The following ZNF451 variants were observed in gnomAD, a reference collection of about 807,000 sequenced individuals.
ZNF451 encodes zinc finger protein 451, also known as E3 SUMO-protein ligase ZNF451.
In ZNF451, 80 loss-of-function variants were observed where a neutral mutation model predicts 107.1. That is an observed-to-expected ratio of 0.75 (90% CI 0.62 to 0.90). The LOEUF is 0.90. Among genes scored for constraint, ZNF451 ranks in the 40% least tolerant of loss-of-function variants. The probability of loss-of-function intolerance (pLI) is 0.00; values close to 1 mark genes in which losing one functional copy is unlikely to be tolerated. For missense variants in ZNF451, 1,107 were observed against 1,236.2 expected, an observed-to-expected ratio of 0.90 and a Z score of 1.57; for synonymous variants, 362 against 406.5, an observed-to-expected ratio of 0.89 and a Z score of 1.32.
At chr6:57,099,434 CCTCTTTCCCTT>C in intron 3 of ZNF451, 2 of 715,128 alleles carry the variant, frequency 2.8e-6, no homozygotes, top group Non-Finnish European at 5.2e-6. Context: ...CTTATTGATT[CCTCTTTCCCTT>C]CTCTTTTCCT....
Position 57,124,811 on chromosome 6 carries a change from T to C in ZNF451, c.264T>C (p.His88=), listed in dbSNP as rs1239997400. ...VALTLARLAR[H]VEVEKQQKEE... Reference sequence around the variant, plus strand: ...TAACTCTGGCTCGTCTAGCCCGCCATGTTGAAGTGGAGAAACAGCAGAAAG... The same window carrying C: ...TAACTCTGGCTCGTCTAGCCCGCCACGTTGAAGTGGAGAAACAGCAGAAAG... Residue 88 remains histidine (H), a synonymous_variant, in exon 4 of 15, where the codon CAT becomes CAC. Coordinates refer to ENST00000370706, the MANE Select transcript of ZNF451 (RefSeq NM_001031623.3). 5.6e-6 allele frequency: 9 copies of C among 1,611,866 alleles called. No homozygotes were observed. The highest frequency in any genetic ancestry group is 7.6e-6 in the Non-Finnish European group (9 of 1,178,490).
At chr6:57,107,248 G>C (rs1158147962) in intron 3 of ZNF451, 9 of 985,322 alleles carry the variant, frequency 9.1e-6, no homozygotes, top group Non-Finnish European at 1.1e-5. Context: ...AAGGATGTCT[G>C]ATCTTCCCAT....
At chr6:57,092,739 G>A (rs988731705) in intron 2 of ZNF451, 3 of 151,986 alleles carry the variant, frequency 2.0e-5, no homozygotes, top group Non-Finnish European at 4.4e-5. Flanking sequence ...TCGTTTTTAC[G>A]GTTTGGATTT....
At chr6:57,161,346 G>A (rs967503485) in intron 14 of ZNF451, among the ~76,000 whole-genome samples, 194 bp downstream of exon 14, 3 of 152,034 alleles carry the variant, frequency 2.0e-5, no homozygotes, top group African/African-American at 7.2e-5. Context: ...GCTAGAATGG[G>A]TCAGCCAATT....
At chr6:57,155,874 A>G (rs1056996880) in intron 13 of ZNF451, among the ~76,000 whole-genome samples, 2 of 138,310 alleles carry the variant, frequency 1.4e-5, no homozygotes, top group African/African-American at 5.5e-5. Flanking sequence ...TGAACTAACT[A>G]CTCTCTGGAG....
In ZNF451 at chr6:57,092,786, C is replaced by A. The variant is rs921976277; in HGVS notation, c.105+1892C>A. 6 of 152,262 alleles carry A rather than the reference C, an allele frequency of 3.9e-5. No homozygotes were observed. In the East Asian group the frequency reaches 1.2e-3, roughly 29 times the overall value. The allele number at this position is 152,262 out of a possible 1,614,324, so 9.4% of individuals were successfully genotyped here. A position where few individuals can be genotyped will look rare whatever the true frequency, so the allele number is the denominator to read the frequency against. On this transcript the variant is annotated intron_variant, in intron 2 of 14. Coordinates refer to ENST00000370706, the MANE Select transcript of ZNF451 (RefSeq NM_001031623.3). ...CTAACCTAATTTTCCCACTTTTAGT[C>A]CACTTGGTGGCCCAGGAGTTATTCT...
chr6:57,101,880 T>G lies in ZNF451; in HGVS notation c.186+2739T>G, dbSNP rs1056690527. ...ATGGTACTTCCCTTTTTGGACAAGA[T>G]GTGAAAGCTGTTGTTGCAGAAGACA... On this transcript the variant is annotated intron_variant, in intron 3 of 14. Transcript: ENST00000370706. 4 of 1,550,476 alleles carry G rather than the reference T, an allele frequency of 2.6e-6. No individual in the cohort carries two copies. In the African/African-American group the frequency reaches 5.5e-5, roughly 21 times the overall value.
chr6:57,098,519 T>A (rs1829434046), intron 2 of ZNF451, among the ~76,000 whole-genome samples: 1 of 152,176 alleles, frequency 6.6e-6, no homozygotes, highest in Non-Finnish European at 1.5e-5. Flanking sequence ...TGTTATTGTC[T>A]TATTATTATT....
rs537812914 is a variant in ZNF451 at position 57,152,466 on chromosome 6, C to T, written c.2883+115C>T. ...CATTCTTCAGTACTTCAGGTTCTACCTATGACTATTATGAAGGCAGGACCC... is the reference window on the plus strand; with the variant it reads ...CATTCTTCAGTACTTCAGGTTCTACTTATGACTATTATGAAGGCAGGACCC... On this transcript the variant is annotated intron_variant, in intron 12 of 14. Coordinates refer to ENST00000370706, the MANE Select transcript of ZNF451 (RefSeq NM_001031623.3). The T allele has an allele frequency of 4.3e-4, 533 of 1,241,430 alleles. 5 individuals carry two copies. In the South Asian group the frequency reaches 6.0e-3, roughly 14 times the overall value. The allele number at this position is 1,241,430 out of a possible 1,614,324, so 76.9% of individuals were successfully genotyped here. A position where few individuals can be genotyped will look rare whatever the true frequency, so the allele number is the denominator to read the frequency against.
intron 11 of ZNF451, 145 bp from the exon 12 acceptor site, chr6:57,152,076 T>TA: frequency 1.6e-6 from 1 of 614,754 alleles, no homozygotes; most frequent in Non-Finnish European, 2.6e-6. Context: ...TGTTGATGCT[T>TA]ATGCTAGGAT....
At position 57,169,299 on chromosome 6, in the gene ZNF451, C is replaced by A. The variant is rs1157915221; in HGVS notation, c.*830C>A. ...TGTTGAAAGCCTACTCAGGAATAATCTTCCTTAACTCTTTAAATTTTTATT... is the reference window on the plus strand; with the variant it reads ...TGTTGAAAGCCTACTCAGGAATAATATTCCTTAACTCTTTAAATTTTTATT... On this transcript the variant is annotated 3_prime_UTR_variant, in exon 15 of 15. Coordinates refer to ENST00000370706, the MANE Select transcript of ZNF451 (RefSeq NM_001031623.3). 2 of 152,098 alleles carry A rather than the reference C, an allele frequency of 1.3e-5. No homozygotes were observed. Among genetic ancestry groups the A allele is most frequent in the Non-Finnish European group, 2.9e-5 (2 of 67,976 alleles). The allele number at this position is 152,098 out of a possible 1,614,324, so 9.4% of individuals were successfully genotyped here. A position where few individuals can be genotyped will look rare whatever the true frequency, so the allele number is the denominator to read the frequency against.
At chr6:57,164,216 C>G (rs1763803437) in intron 14 of ZNF451, among the ~76,000 whole-genome samples, 2 of 152,190 alleles carry the variant, frequency 1.3e-5, no homozygotes, top group South Asian at 4.1e-4. Context: ...AAAGTACAGT[C>G]TTTGGATTCA....
chr6:57,115,237 G>T (rs1830309945), intron 3 of ZNF451: 2 of 152,176 alleles, frequency 1.3e-5, no homozygotes, highest in Non-Finnish European at 2.9e-5. Flanking sequence ...TTGCACTCTA[G>T]CCTGGGTAAC....
chr6:57,141,259 T>C (rs1258770934), intron 7 of ZNF451, 43 bp from the exon 8 acceptor site: 1 of 1,454,552 alleles, frequency 6.9e-7, no homozygotes, highest in Non-Finnish European at 9.2e-7. Context: ...AACTTGAGTG[T>C]TTATTTTAGT....
At chr6:57,104,032 A>G (rs558493739) in intron 3 of ZNF451, 1 of 985,202 alleles carries the variant, frequency 1.0e-6, no homozygotes, top group Admixed American at 6.1e-5. Flanking sequence ...TAGTCTTAAT[A>G]AAGGGGATAT....
chr6:57,118,347 G>C (rs1400354904), intron 3 of ZNF451, among the ~76,000 whole-genome samples: 4 of 152,132 alleles, frequency 2.6e-5, no homozygotes, highest in African/African-American at 9.6e-5. Flanking sequence ...TATTATCTCT[G>C]TTGAGAAAGT....
chr6:57,166,543 T>C (rs1372537447), intron 14 of ZNF451, among the ~76,000 whole-genome samples: 1 of 152,212 alleles, frequency 6.6e-6, no homozygotes, highest in African/African-American at 2.4e-5. Context: ...TTAAAACTTT[T>C]TTGTTAAAAA....
At chr6:57,167,068 A>G (rs771638968) in intron 14 of ZNF451, among the ~76,000 whole-genome samples, 1 of 152,166 alleles carries the variant, frequency 6.6e-6, no homozygotes, top group South Asian at 2.1e-4. Flanking sequence ...TTTACTTTAT[A>G]AGGATGTGAA....
intron 13 of ZNF451, among the ~76,000 whole-genome samples, chr6:57,155,595 A>T (rs1452887520): frequency 6.6e-6 from 1 of 152,196 alleles, no homozygotes; most frequent in Non-Finnish European, 1.5e-5. Context: ...GCACAAGGCC[A>T]ACCTCCCTTT....
Sources: allele counts gnomAD v4.1 joint callset (sites outside exome capture counted in the v4.1 genomes callset), GRCh38; gene constraint gnomAD v4.1.1; transcripts MANE v1.5; gene names NCBI Gene and HGNC (gene_info 2026-07-23, HGNC 2026-07-21).